Variants in SMARCA2 observed in about 807,000 individuals in gnomAD.
The protein encoded by SMARCA2 is SWI/SNF related BAF chromatin remodeling complex subunit ATPase 2, also known as SWI/SNF-related matrix-associated actin-dependent regulator of chromatin subfamily A member 2.
In SMARCA2, 61 loss-of-function variants were observed where a neutral mutation model predicts 199.8. The observed-to-expected ratio is 0.31, with a 90% confidence interval of 0.25 to 0.38. The LOEUF (loss-of-function observed/expected upper bound fraction) is 0.38, where lower values mean the gene tolerates loss of function less well. Among genes scored for constraint, SMARCA2 ranks in the 10% least tolerant of loss-of-function variants. The probability of loss-of-function intolerance (pLI) is 1.00; values close to 1 mark genes in which losing one functional copy is unlikely to be tolerated. For synonymous variants in SMARCA2, 935 were observed against 732.0 expected (o/e 1.28, Z -4.48); for missense variants, 1,344 against 2,012.2 (o/e 0.67, Z 6.35).
At chr9:2,078,291 G>A (rs900665726) in intron 14 of SMARCA2, among the ~76,000 whole-genome samples, 1 of 152,034 alleles carries the variant, frequency 6.6e-6, no homozygotes, top group Non-Finnish European at 1.5e-5. Context: ...GGCCAACATG[G>A]TGAAACCCTC....
chr9:2,077,353 T>C (rs768397855), intron 13 of SMARCA2, among the ~76,000 whole-genome samples: 21 of 152,216 alleles, frequency 1.4e-4, no homozygotes, highest in Non-Finnish European at 1.8e-4. Context: ...GAATCCTGGT[T>C]TCACTACCTT....
At chr9:2,154,863 G>A (rs1402831212) in intron 27 of SMARCA2, among the ~76,000 whole-genome samples, 3 of 152,130 alleles carry the variant, frequency 2.0e-5, no homozygotes, top group African/African-American at 7.2e-5. Context: ...TACAGAAGTG[G>A]CCCAGGCCCT....
At chr9:2,053,993 G>C (rs1035147798) in intron 5 of SMARCA2, among the ~76,000 whole-genome samples, 23 of 152,280 alleles carry the variant, frequency 1.5e-4, no homozygotes, top group African/African-American at 5.5e-4. Flanking sequence ...AGCCTCATTT[G>C]TATTTTCTTT....
chr9:2,159,346 G>A (rs1184243404), intron 27 of SMARCA2: 2 of 242,746 alleles, frequency 8.2e-6, no homozygotes, highest in South Asian at 2.1e-4. Flanking sequence ...TAAAATATTT[G>A]AATCTTAGAA....
At position 2,023,956 on chromosome 9, in the gene SMARCA2, A is replaced by AT. The variant is rs1026750794; in HGVS notation, c.-36-5031_-36-5030insT. ...CCTGTAACAGCCAGAACACTTTAAT[A>AT]AGACTGGGATATTCTTGGAGATGTG... On this transcript the variant is annotated intron_variant, in intron 1 of 33. Coordinates refer to ENST00000349721, the MANE Select transcript of SMARCA2 (RefSeq NM_003070.5). Among the ~76,000 whole-genome samples the AT allele has an allele frequency of 4.1e-3, 628 of 152,314 alleles. 5 individuals carry two copies. Among genetic ancestry groups the AT allele is most frequent in the African/African-American group, 0.014 (597 of 41,576 alleles).
At chr9:2,138,973 CT>C (rs1824338264) in intron 27 of SMARCA2, among the ~76,000 whole-genome samples, 1 of 152,170 alleles carries the variant, frequency 6.6e-6, no homozygotes, top group African/African-American at 2.4e-5. Flanking sequence ...TAAGGGTTCC[CT>C]AGCATATCTG....
intron 4 of SMARCA2, chr9:2,045,826 G>GAC (rs60571405): frequency 0.27 from 39,638 of 145,832 alleles, 5,251 homozygotes; most frequent in East Asian, 0.47. Flanking sequence ...TAACATCACA[G>GAC]ACACACACAC....
intron 19 of SMARCA2, among the ~76,000 whole-genome samples, chr9:2,091,846 T>C (rs1822075814): frequency 6.6e-6 from 1 of 152,192 alleles, no homozygotes. Flanking sequence ...TTCTCTAATG[T>C]CTAATATTGT....
chr9:2,153,530 C>T (rs559197124), intron 27 of SMARCA2, among the ~76,000 whole-genome samples: 5 of 151,918 alleles, frequency 3.3e-5, no homozygotes, highest in East Asian at 1.9e-4. Flanking sequence ...AATGAGGCCC[C>T]GTCTAGAATA....
At chr9:2,103,667 A>T (rs867297841) in intron 22 of SMARCA2, among the ~76,000 whole-genome samples, 11 of 151,486 alleles carry the variant, frequency 7.3e-5, no homozygotes, top group East Asian at 3.9e-4. Flanking sequence ...TGTGTGAGAG[A>T]GAGAGAGAGA....
intron 29 of SMARCA2, among the ~76,000 whole-genome samples, chr9:2,173,752 G>A (rs2376230): frequency 0.076 from 11,537 of 152,148 alleles, 507 homozygotes; most frequent in African/African-American, 0.11. Context: ...AAGTCTTGCT[G>A]TAAAGTCAGC....
intron 27 of SMARCA2, among the ~76,000 whole-genome samples, chr9:2,134,899 C>T (rs916305335): frequency 1.3e-5 from 2 of 152,184 alleles, no homozygotes; most frequent in Middle Eastern, 3.2e-3. Flanking sequence ...ATACCCTATC[C>T]TCAGACTTCC....
rs563068351 is a variant in SMARCA2, at chr9:2,097,745, G to T, written c.3078+274G>T. 8.5e-5 allele frequency among the ~76,000 whole-genome samples: 13 copies of T among 152,324 alleles called. No homozygotes were observed. In the East Asian group the frequency reaches 2.3e-3, roughly 27 times the overall value. On this transcript the variant is annotated intron_variant, in intron 21 of 33. Coordinates refer to ENST00000349721, the MANE Select transcript of SMARCA2 (RefSeq NM_003070.5). Reference sequence around the variant, plus strand: ...AAATGCTATAAGCAGTGGCTCACTTGTGTGGGTTTGGGTAAGTACTGTGAA... The same window carrying T: ...AAATGCTATAAGCAGTGGCTCACTTTTGTGGGTTTGGGTAAGTACTGTGAA...
At chr9:2,163,744 A>G (rs527592107) in intron 28 of SMARCA2, among the ~76,000 whole-genome samples, 47 of 152,296 alleles carry the variant, frequency 3.1e-4, no homozygotes, top group African/African-American at 1.1e-3. Context: ...AAGGGCTGTT[A>G]TAACACTGAG....
rs917029098 is a variant in SMARCA2 at position 2,193,573 on chromosome 9, A to T, written c.*834A>T. ...GGCAAATAAAATTCCAGTAATTTCGAAGAATGTGGTGTTGGTGCTTTCCTA... is the reference window on the plus strand; with the variant it reads ...GGCAAATAAAATTCCAGTAATTTCGTAGAATGTGGTGTTGGTGCTTTCCTA... On this transcript the variant is annotated 3_prime_UTR_variant, in exon 34 of 34. Transcript: ENST00000349721. 1.3e-5 allele frequency: 2 copies of T among 152,738 alleles called. No homozygotes were observed. The highest frequency in any genetic ancestry group is 2.9e-5 in the Non-Finnish European group (2 of 68,028). 9.5% of individuals were successfully genotyped at this position (152,738 alleles called of 1,614,324 possible).
chr9:2,029,056 C>T lies in SMARCA2; in HGVS notation c.34C>T (p.His12Tyr). Reference sequence around the variant, plus strand: ...GCCCACAGACCCTGGTGCGATGCCCCACCCAGGGCCTTCGCCGGGGCCTGG... The same window carrying T: ...GCCCACAGACCCTGGTGCGATGCCCTACCCAGGGCCTTCGCCGGGGCCTGG... ...STPTDPGAMP[H>Y]PGPSPGPGPS... Residue 12 changes from histidine (H) to tyrosine (Y), a missense_variant, in exon 2 of 34, where the codon CAC becomes TAC. By Grantham distance (83) the His-to-Tyr change is moderately conservative. Around this residue, in one of 18 missense-constraint regions of SMARCA2, gnomAD observed 275 missense variants for 247.5 expected, o/e 1.11. Transcript: ENST00000349721. 1 of 1,556,600 alleles carries T rather than the reference C, an allele frequency of 6.4e-7. No individual in the cohort carries two copies. Among genetic ancestry groups the T allele is most frequent in the Non-Finnish European group, 8.7e-7 (1 of 1,149,654 alleles).
intron 28 of SMARCA2, chr9:2,162,766 G>T (rs1303976834): frequency 6.6e-6 from 1 of 152,136 alleles, no homozygotes; most frequent in African/African-American, 2.4e-5. Context: ...TTTCTTAAGG[G>T]GGTGCATCAT....
At chr9:2,041,128 AT>A (rs1450993772) in intron 4 of SMARCA2, 1 of 379,934 alleles carries the variant, frequency 2.6e-6, no homozygotes, top group Non-Finnish European at 4.6e-6. Flanking sequence ...TCAGATTAGT[AT>A]TTTTTCATTA....
chr9:2,040,163 CT>C, intron 4 of SMARCA2: 2 of 690,456 alleles, frequency 2.9e-6, no homozygotes, highest in Non-Finnish European at 4.7e-6. Flanking sequence ...ATTTTGCGTT[CT>C]CTTTGAAGCG....
Sources: gnomAD v4.1 joint callset for allele counts (sites outside exome capture counted in the v4.1 genomes callset) on GRCh38, gnomAD v4.1.1 for gene constraint, gnomAD v4.1.1 regional missense constraint, MANE v1.5 for transcripts, NCBI Gene and HGNC (gene_info 2026-07-23, HGNC 2026-07-21) for gene names.